The following STK33 variants were observed in gnomAD, a reference collection of about 807,000 sequenced individuals.
STK33 encodes the protein serine/threonine kinase 33, also known as serine/threonine-protein kinase 33.
In STK33, 52 loss-of-function variants were observed where a neutral mutation model predicts 58.0. The ratio of observed to expected loss-of-function variants is 0.90; its 90% CI spans 0.72 to 1.13. The LOEUF is 1.13. Ranked by LOEUF, STK33 falls within the 50% of genes most tolerant of loss-of-function variation. The pLI is 0.00. For synonymous variants in STK33, 215 were observed against 200.1 expected (o/e 1.07, Z -0.63); for missense variants, 630 against 604.2 (o/e 1.04, Z -0.45).
rs190195187 is a variant in STK33, at chr11:8,553,154, T to C, written c.-466+40929A>G. ...GCGTGGGTAACAGAGGGAGACTCCG[T>C]CTCCAAAAATAAAATATATATATAT... On this transcript the variant is annotated intron_variant, in intron 1 of 15. Transcript: ENST00000687296. Among the ~76,000 whole-genome samples, 597 of 119,648 alleles carry C rather than the reference T, an allele frequency of 5.0e-3. 3 individuals are homozygous for C. Among genetic ancestry groups the C allele is most frequent in the African/African-American group, 0.018 (571 of 32,040 alleles). The allele number at this position is 119,648 out of a possible 152,430, so 78.5% of individuals were successfully genotyped here.
At chr11:8,504,798 T>TA (rs949487029) in intron 1 of STK33, among the ~76,000 whole-genome samples, 7 of 151,330 alleles carry the variant, frequency 4.6e-5, no homozygotes, top group East Asian at 1.9e-4. Flanking sequence ...ACCCTGTCCC[T>TA]AAAAAAAAGG....
At chr11:8,475,482 T>C (rs568245696) in intron 4 of STK33, 4 of 152,322 alleles carry the variant, frequency 2.6e-5, no homozygotes, top group South Asian at 4.1e-4. Flanking sequence ...TACATTACTA[T>C]GGTTTCAAAT....
intron 1 of STK33, among the ~76,000 whole-genome samples, chr11:8,582,534 A>G (rs1465676160): frequency 6.6e-6 from 1 of 152,150 alleles, no homozygotes; most frequent in African/African-American, 2.4e-5. Flanking sequence ...AAACCATCAG[A>G]TCTCATGAGA....
At position 8,396,003 on chromosome 11, in the gene STK33, CA is replaced by C. The variant is rs373790779; in HGVS notation, c.1345-3294del. 3.5e-3 allele frequency among the ~76,000 whole-genome samples: 536 copies of C among 152,246 alleles called. 3 individuals carry two copies. The highest frequency in any genetic ancestry group is 0.012 in the African/African-American group (511 of 41,526). ...AGTCATCCATATTTTAATTGAGCTC[CA>C]AAATCAGCCTAACGCTGGCTACCCC... is the stretch of plus-strand genomic sequence containing the variant. On this transcript the variant is annotated intron_variant, in intron 15 of 15. Coordinates refer to ENST00000687296, the MANE Select transcript of STK33 (RefSeq NM_001352389.2).
At chr11:8,418,863 G>T (rs902380654) in intron 14 of STK33, among the ~76,000 whole-genome samples, 2 of 151,754 alleles carry the variant, frequency 1.3e-5, no homozygotes, top group Non-Finnish European at 2.9e-5. Context: ...AGCTTTTTTC[G>T]TATGCTTGTT....
chr11:8,436,109 G>A lies in STK33; in HGVS notation c.978C>T (p.Ser326=), dbSNP rs1412381293. ...TTAACTCAAAAAGCTTCTCTTCTGA[G>A]CTTGCCAAAAAGGGTGGTTCTCCAC... ...LLRGEPPFLA[S]SEEKLFELIR... The change falls in exon 13 of 16, where the codon AGC becomes AGT. Residue 326 remains serine (S), a synonymous_variant. Transcript: ENST00000687296. 2 of 1,586,072 alleles carry A rather than the reference G, an allele frequency of 1.3e-6. No homozygotes were observed. Among genetic ancestry groups the A allele is most frequent in the South Asian group, 2.4e-5 (2 of 83,858 alleles).
intron 11 of STK33, among the ~76,000 whole-genome samples, chr11:8,449,673 A>C (rs1441158246): frequency 1.3e-5 from 2 of 148,370 alleles, no homozygotes; most frequent in African/African-American, 2.6e-5. Flanking sequence ...AGATATACCT[A>C]ATGTTAAATG....
downstream of STK33, among the ~76,000 whole-genome samples, chr11:8,388,810 TC>T (rs528483872): frequency 2.6e-4 from 40 of 152,328 alleles, no homozygotes; most frequent in African/African-American, 8.9e-4. Context: ...ATTTCAGATT[TC>T]AGGTTCGGTA....
chr11:8,432,654 T>C (rs1943558884), intron 14 of STK33, among the ~76,000 whole-genome samples: 1 of 152,208 alleles, frequency 6.6e-6, no homozygotes, highest in South Asian at 2.1e-4. Context: ...TTACTATGTG[T>C]TAGGTATTAC....
intron 11 of STK33, among the ~76,000 whole-genome samples, chr11:8,443,484 T>C (rs1218026504): frequency 2.6e-5 from 4 of 151,970 alleles, no homozygotes; most frequent in African/African-American, 9.7e-5. Flanking sequence ...TTCAAACACA[T>C]CTCAACCACC....
At chr11:8,367,086 G>A in the STK33 span, among the ~76,000 whole-genome samples, 1 of 152,238 alleles carries the variant, frequency 6.6e-6, no homozygotes. Context: ...AAGAGTTTAT[G>A]TAACAGTTTA....
At chr11:8,416,867 GTA>G (rs1428909756) in intron 14 of STK33, among the ~76,000 whole-genome samples, 1 of 152,162 alleles carries the variant, frequency 6.6e-6, no homozygotes, top group Non-Finnish European at 1.5e-5. Context: ...GGACTAGGTG[GTA>G]TAGAGTCCAG....
chr11:8,575,022 CA>C (rs1958081950), intron 1 of STK33, among the ~76,000 whole-genome samples: 1 of 152,042 alleles, frequency 6.6e-6, no homozygotes, highest in Non-Finnish European at 1.5e-5. Context: ...TCCAGTCTGG[CA>C]AGGGAGCAAG....
At chr11:8,481,830 A>G (rs553558447) in intron 1 of STK33, among the ~76,000 whole-genome samples, 39 of 152,262 alleles carry the variant, frequency 2.6e-4, no homozygotes, top group African/African-American at 8.2e-4. Context: ...TTGGTGATGG[A>G]CCATATTGTC....
At chr11:8,527,071 A>C (rs1277589657) in intron 1 of STK33, among the ~76,000 whole-genome samples, 4 of 150,562 alleles carry the variant, frequency 2.7e-5, no homozygotes, top group Non-Finnish European at 4.4e-5. Context: ...TCCGGGGTTC[A>C]TGCAATTCTC....
chr11:8,414,329 C>A (rs1015295211), intron 14 of STK33, among the ~76,000 whole-genome samples: 3 of 152,034 alleles, frequency 2.0e-5, no homozygotes, highest in African/African-American at 4.8e-5. Context: ...ATATAATACC[C>A]CATGTAATGT....
At chr11:8,446,014 T>G (rs985691003) in intron 11 of STK33, among the ~76,000 whole-genome samples, 1 of 151,962 alleles carries the variant, frequency 6.6e-6, no homozygotes, top group Non-Finnish European at 1.5e-5. Context: ...GTCCTGGGCT[T>G]TTTTTGGTTG....
chr11:8,339,092 C>A, the STK33 span, among the ~76,000 whole-genome samples: 3 of 152,128 alleles, frequency 2.0e-5, no homozygotes, highest in Non-Finnish European at 4.4e-5. Context: ...CCCAGGAATT[C>A]TTTGGGGGAA....
At chr11:8,337,685 T>C in the STK33 span, among the ~76,000 whole-genome samples, 5 of 151,972 alleles carry the variant, frequency 3.3e-5, no homozygotes, top group East Asian at 9.7e-4. Flanking sequence ...TCTCACTTCC[T>C]GTGCCTCCCA....
Sources: allele counts gnomAD v4.1 joint callset (sites outside exome capture counted in the v4.1 genomes callset), GRCh38; gene constraint gnomAD v4.1.1; transcripts MANE v1.5; gene names NCBI Gene and HGNC (gene_info 2026-07-23, HGNC 2026-07-21).